PARD3B: variants seen among roughly 807,000 people sequenced by gnomAD.
The protein encoded by PARD3B is partitioning defective 3 homolog B.
In PARD3B, 103 loss-of-function variants were observed where a neutral mutation model predicts 130.2. That is an observed-to-expected ratio of 0.79 (90% CI 0.67 to 0.93). The LOEUF is 0.93. Among genes scored for constraint, PARD3B ranks in the 40% least tolerant of loss-of-function variants. The probability of loss-of-function intolerance (pLI) is 0.00; values close to 1 mark genes in which losing one functional copy is unlikely to be tolerated. For missense variants in PARD3B, 1,609 were observed against 1,499.2 expected, an observed-to-expected ratio of 1.07 and a Z score of -1.21; for synonymous variants, 583 against 553.2, an observed-to-expected ratio of 1.05 and a Z score of -0.76.
rs2034373497 is a variant in PARD3B at position 204,623,447 on chromosome 2, C to G, written c.121-62734C>G. ...TAGTCATACCCACACCCAGCACCCT[C>G]CACCATCCCTTTTTCCTTGCAATCA... On this transcript the variant is annotated intron_variant, in intron 1 of 22. Coordinates refer to ENST00000406610, the MANE Select transcript of PARD3B (RefSeq NM_001302769.2). The surrounding 1 kb of genome is among the most constrained non-coding windows in gnomAD (Gnocchi z 4.5). Among the ~76,000 whole-genome samples, 2 of 152,258 alleles carry G rather than the reference C, an allele frequency of 1.3e-5. No individual in the cohort carries two copies. Among genetic ancestry groups the G allele is most frequent in the Admixed American group, 1.3e-4 (2 of 15,278 alleles).
Position 205,461,897 on chromosome 2 carries a change from G to C in PARD3B, c.3044+21225G>C, listed in dbSNP as rs1343946158. Reference sequence around the variant, plus strand: ...GTCATCATCAGTTCCTTAACTGAAAGAGAAATGCTCAGGCAGGGCTTAAAG... The same window carrying C: ...GTCATCATCAGTTCCTTAACTGAAACAGAAATGCTCAGGCAGGGCTTAAAG... On this transcript the variant is annotated intron_variant, in intron 20 of 22. Transcript: ENST00000406610. The surrounding 1 kb of genome is among the most constrained non-coding windows in gnomAD (Gnocchi z 4.3). Among the ~76,000 whole-genome samples the C allele has an allele frequency of 6.6e-6, 1 of 152,196 alleles. No homozygotes were observed. Among genetic ancestry groups the C allele is most frequent in the African/African-American group, 2.4e-5 (1 of 41,452 alleles).
chr2:204,916,741 C>T (rs2047461073), intron 2 of PARD3B, among the ~76,000 whole-genome samples: 1 of 151,962 alleles, frequency 6.6e-6, no homozygotes, highest in Non-Finnish European at 1.5e-5. Flanking sequence ...GCAAGAATGC[C>T]ACATACTCTT....
At chr2:205,365,588 C>T (rs1233966130) in intron 18 of PARD3B, among the ~76,000 whole-genome samples, 1 of 114,850 alleles carries the variant, frequency 8.7e-6, no homozygotes, top group Non-Finnish European at 1.7e-5. Flanking sequence ...AAAGGGAAAA[C>T]ACCACTGAGA....
At chr2:204,874,303 A>T (rs1222533169) in intron 2 of PARD3B, among the ~76,000 whole-genome samples, 2 of 152,224 alleles carry the variant, frequency 1.3e-5, no homozygotes, top group Non-Finnish European at 2.9e-5. Flanking sequence ...GCTTATGATG[A>T]TTAAAATAAT....
rs1424059620 is a variant in PARD3B, at chr2:205,113,554, C to T, written c.657C>T (p.Pro219=). The change falls in exon 6 of 23, where the codon CCC becomes CCT. Residue 219 remains proline (P), a synonymous_variant. Transcript: ENST00000406610. ...GCCCATTGGGAATACATGTAGTGCC[C>T]TTCTTTTCATCTCTGAGTGGAAGGT... The part of the protein sequence containing the change: ...EGGPLGIHVV[P]FFSSLSGRIL... 25 of 1,612,148 alleles carry T rather than the reference C, an allele frequency of 1.6e-5. No homozygotes were observed. Among genetic ancestry groups the T allele is most frequent in the Non-Finnish European group, 1.9e-5 (22 of 1,178,852 alleles).
chr2:205,472,087 T>C (rs556665616), intron 20 of PARD3B, among the ~76,000 whole-genome samples: 4 of 152,294 alleles, frequency 2.6e-5, no homozygotes, highest in South Asian at 4.1e-4. Flanking sequence ...AGTCTTGGAA[T>C]TGGATTTCAT....
chr2:204,674,525 G>C (rs1046249932), intron 1 of PARD3B, among the ~76,000 whole-genome samples: 2 of 139,114 alleles, frequency 1.4e-5, no homozygotes, highest in Admixed American at 7.4e-5. Context: ...CAGTGTGGGA[G>C]GGGGGTGGGT....
At chr2:205,120,590 G>A (rs2030574017) in intron 7 of PARD3B, among the ~76,000 whole-genome samples, 1 of 152,184 alleles carries the variant, frequency 6.6e-6, no homozygotes, top group Non-Finnish European at 1.5e-5. Flanking sequence ...AAACGTGGAA[G>A]AGGGCACTCC....
intron 18 of PARD3B, among the ~76,000 whole-genome samples, chr2:205,358,280 C>G (rs1270638082): frequency 1.3e-5 from 2 of 152,186 alleles, no homozygotes; most frequent in Non-Finnish European, 2.9e-5. Context: ...TCTAGGATTA[C>G]TCAAAGATCC....
At chr2:205,442,182 T>G (rs11901511) in intron 20 of PARD3B, among the ~76,000 whole-genome samples, 15,199 of 151,834 alleles carry the variant, frequency 0.1, 1,095 homozygotes, top group African/African-American at 0.21. Context: ...TTTCCAATAC[T>G]AATTCCATGG....
intron 3 of PARD3B, among the ~76,000 whole-genome samples, chr2:205,008,223 A>G (rs1223994458): frequency 6.6e-6 from 1 of 152,098 alleles, no homozygotes; most frequent in African/African-American, 2.4e-5. Context: ...TTTTTCTGGA[A>G]GTTGAGCTTT....
rs73066697 is a variant in PARD3B at position 204,845,056 on chromosome 2, C to T, written c.223-120096C>T. Reference sequence around the variant, plus strand: ...TCTTAAAAGAGGAAAATGTATCCTGCACGCTGAGGATTACCTATGGCTAAA... The same window carrying T: ...TCTTAAAAGAGGAAAATGTATCCTGTACGCTGAGGATTACCTATGGCTAAA... On this transcript the variant is annotated intron_variant, in intron 2 of 22. Transcript: ENST00000406610. 7.2e-3 allele frequency among the ~76,000 whole-genome samples: 1,093 copies of T among 152,178 alleles called. 12 individuals are homozygous for T. Among genetic ancestry groups the T allele is most frequent in the African/African-American group, 0.025 (1,023 of 41,512 alleles).
At chr2:204,904,161 T>C (rs2046964839) in intron 2 of PARD3B, among the ~76,000 whole-genome samples, 1 of 152,220 alleles carries the variant, frequency 6.6e-6, no homozygotes, top group Admixed American at 6.5e-5. Flanking sequence ...TTGTTAAACT[T>C]TAAAAAAGTC....
intron 16 of PARD3B, among the ~76,000 whole-genome samples, chr2:205,267,112 T>C (rs1278141455): frequency 3.9e-5 from 6 of 152,178 alleles, no homozygotes; most frequent in Non-Finnish European, 1.5e-5. Context: ...AAATGCATAC[T>C]TCGGATTTAT....
At chr2:205,593,316 T>C (rs2054455441) in intron 22 of PARD3B, among the ~76,000 whole-genome samples, 1 of 152,228 alleles carries the variant, frequency 6.6e-6, no homozygotes, top group African/African-American at 2.4e-5. Context: ...GTTTAAATGG[T>C]GGTGATGAAG....
intron 21 of PARD3B, among the ~76,000 whole-genome samples, chr2:205,520,434 G>T (rs112804382): frequency 0.033 from 4,958 of 152,202 alleles, 170 homozygotes; most frequent in South Asian, 0.13. Context: ...AGAGGCAGTG[G>T]CAGAGAGGCT....
chr2:204,781,924 A>G (rs1184748635), intron 2 of PARD3B, among the ~76,000 whole-genome samples: 1 of 152,060 alleles, frequency 6.6e-6, no homozygotes, highest in Non-Finnish European at 1.5e-5. Context: ...TTATGTGCTA[A>G]TAGTTTTTCC....
At chr2:205,582,934 T>C (rs2054046149) in intron 22 of PARD3B, among the ~76,000 whole-genome samples, 1 of 152,160 alleles carries the variant, frequency 6.6e-6, no homozygotes, top group African/African-American at 2.4e-5. Context: ...AGCTCGGTCA[T>C]TGAACTGGCC....
intron 22 of PARD3B, among the ~76,000 whole-genome samples, chr2:205,578,194 C>T (rs903104866): frequency 6.6e-6 from 1 of 152,190 alleles, no homozygotes; most frequent in Admixed American, 6.5e-5. Flanking sequence ...GACTCCACTC[C>T]TCTCACTATC....
Sources: allele counts gnomAD v4.1 joint callset (sites outside exome capture counted in the v4.1 genomes callset), GRCh38; gene constraint gnomAD v4.1.1; non-coding constraint Gnocchi (gnomAD v3.1); transcripts MANE v1.5; gene names NCBI Gene and HGNC (gene_info 2026-07-23, HGNC 2026-07-21).